Variants in WDFY2 observed in about 807,000 individuals in gnomAD.
The protein encoded by WDFY2 is WD repeat and FYVE domain containing 2.
In WDFY2, 36 loss-of-function variants were observed where a neutral mutation model predicts 56.4. That is an observed-to-expected ratio of 0.64 (90% CI 0.49 to 0.84). The LOEUF (loss-of-function observed/expected upper bound fraction) is 0.84. WDFY2 is among the 40% of genes least tolerant of loss of function. WDFY2 has a pLI of 0.00. For synonymous variants in WDFY2, 176 were observed against 183.7 expected, an observed-to-expected ratio of 0.96 and a Z score of 0.34; for missense variants, 444 against 512.2, an observed-to-expected ratio of 0.87 and a Z score of 1.29.
intron 7 of WDFY2, among the ~76,000 whole-genome samples, chr13:51,741,490 G>A (rs1164956943): frequency 3.9e-5 from 6 of 152,154 alleles, no homozygotes; most frequent in African/African-American, 1.4e-4. Context: ...GGATAGAGAA[G>A]TCCCTGGAGC....
At chr13:51,697,143 A>G (rs1209023253) in intron 3 of WDFY2, among the ~76,000 whole-genome samples, 2 of 152,226 alleles carry the variant, frequency 1.3e-5, no homozygotes, top group Non-Finnish European at 2.9e-5. Context: ...ACTCTAGAAT[A>G]CTAATGGAAA....
chr13:51,671,336 C>T (rs979079945), intron 2 of WDFY2, among the ~76,000 whole-genome samples: 1 of 152,138 alleles, frequency 6.6e-6, no homozygotes, highest in Non-Finnish European at 1.5e-5. Context: ...CCACCAGCAG[C>T]GCAGAGGTGT....
intron 4 of WDFY2, among the ~76,000 whole-genome samples, chr13:51,713,478 G>C (rs921596120): frequency 6.6e-6 from 1 of 152,180 alleles, no homozygotes; most frequent in African/African-American, 2.4e-5. Flanking sequence ...TAAGTTTGGT[G>C]TATACATACA....
intron 2 of WDFY2, among the ~76,000 whole-genome samples, chr13:51,670,724 C>A (rs2138488980): frequency 6.6e-6 from 1 of 152,130 alleles, no homozygotes; most frequent in East Asian, 1.9e-4. Flanking sequence ...TTTATAGAAG[C>A]AGTCTTTTTT....
intron 1 of WDFY2, among the ~76,000 whole-genome samples, chr13:51,599,908 CAAAACAAA>C (rs895814550): frequency 1.3e-5 from 2 of 148,842 alleles, no homozygotes; most frequent in African/African-American, 5.0e-5. Context: ...AAAAAAAAAA[CAAAACAAA>C]AAAACCAAAA....
At chr13:51,715,938 A>G (rs1333212799) in intron 4 of WDFY2, among the ~76,000 whole-genome samples, 2 of 152,204 alleles carry the variant, frequency 1.3e-5, no homozygotes, top group African/African-American at 4.8e-5. Context: ...GTACCTCTTC[A>G]TAACAACGTT....
At chr13:51,641,769 T>A (rs1955167041) in intron 1 of WDFY2, among the ~76,000 whole-genome samples, 1 of 127,932 alleles carries the variant, frequency 7.8e-6, no homozygotes, top group Admixed American at 1.0e-4. Flanking sequence ...GAGCTTGCAG[T>A]GAGCCGAGAT....
At chr13:51,699,775 G>A (rs1320388018) in intron 3 of WDFY2, among the ~76,000 whole-genome samples, 1 of 152,186 alleles carries the variant, frequency 6.6e-6, no homozygotes, top group Non-Finnish European at 1.5e-5. Flanking sequence ...AAGTAATCTA[G>A]CGGTGTTTAT....
intron 1 of WDFY2, among the ~76,000 whole-genome samples, chr13:51,608,416 T>C (rs1954424253): frequency 2.6e-5 from 4 of 152,166 alleles, no homozygotes; most frequent in African/African-American, 9.6e-5. Context: ...GTGTGGTGGC[T>C]CACGCCTGTA....
chr13:51,607,731 A>C (rs1954409516), intron 1 of WDFY2, among the ~76,000 whole-genome samples: 1 of 152,226 alleles, frequency 6.6e-6, no homozygotes, highest in African/African-American at 2.4e-5. Flanking sequence ...CTCAGAACTT[A>C]GCTGCACAAC....
At chr13:51,619,640 CT>C (rs1356238321) in intron 1 of WDFY2, among the ~76,000 whole-genome samples, 5 of 152,194 alleles carry the variant, frequency 3.3e-5, no homozygotes, top group African/African-American at 1.2e-4. Context: ...AAAATAAGTC[CT>C]GTTAAAAGAA....
In WDFY2 at chr13:51,764,668, G is replaced by C. The variant is rs1337489211; in HGVS notation, c.*4899G>C. 1 of 152,230 alleles carries C rather than the reference G, an allele frequency of 6.6e-6. No individual in the cohort carries two copies. Among genetic ancestry groups the C allele is most frequent in the East Asian group, 1.9e-4 (1 of 5,192 alleles). 9.4% of individuals were successfully genotyped at this position (152,230 alleles called of 1,614,324 possible). A position where few individuals can be genotyped will look rare whatever the true frequency, so the allele number is the denominator to read the frequency against. ...CCTCCTGCAGCCAATGCTACTATTA[G>C]TTTATATTATAATAGTATCAGTTTC... is the stretch of plus-strand genomic sequence containing the variant. On this transcript the variant is annotated 3_prime_UTR_variant, in exon 12 of 12. Transcript: ENST00000298125.
intron 1 of WDFY2, among the ~76,000 whole-genome samples, chr13:51,602,220 G>A (rs1954300652): frequency 6.6e-6 from 1 of 152,166 alleles, no homozygotes; most frequent in Non-Finnish European, 1.5e-5. Context: ...AGATTATAAT[G>A]GAGCTGAAAA....
At chr13:51,753,090 T>C (rs1480776042) in intron 8 of WDFY2, 1 of 152,260 alleles carries the variant, frequency 6.6e-6, no homozygotes, top group Admixed American at 6.5e-5. Flanking sequence ...GATGGAGTCA[T>C]CATTGGCTAA....
At chr13:51,665,998 A>G (rs1005308217) in intron 2 of WDFY2, among the ~76,000 whole-genome samples, 3 of 152,176 alleles carry the variant, frequency 2.0e-5, no homozygotes, top group African/African-American at 7.2e-5. Flanking sequence ...GCATTTACCC[A>G]GTCTGAAGTG....
At chr13:51,722,337 G>C (rs1444541921) in intron 5 of WDFY2, among the ~76,000 whole-genome samples, 1 of 151,968 alleles carries the variant, frequency 6.6e-6, no homozygotes, top group African/African-American at 2.4e-5. Flanking sequence ...CAAAATTCAA[G>C]TAGAAAAGTA....
Position 51,607,224 on chromosome 13 carries a change from T to A in WDFY2, c.137+22400T>A, listed in dbSNP as rs114646507. 8.6e-3 allele frequency among the ~76,000 whole-genome samples: 1,303 copies of A among 152,330 alleles called. 19 individuals carry two copies. Among genetic ancestry groups the A allele is most frequent in the African/African-American group, 0.029 (1,222 of 41,576 alleles). On this transcript the variant is annotated intron_variant, in intron 1 of 11. Coordinates refer to ENST00000298125, the MANE Select transcript of WDFY2 (RefSeq NM_052950.4). ...GACTTAAAACAACAATCATAATTTG[T>A]GCAAAGTCCAGTGAGTTGTCTAGGG... is the stretch of plus-strand genomic sequence containing the variant.
chr13:51,641,608 C>T (rs1314891074), intron 1 of WDFY2, among the ~76,000 whole-genome samples: 4 of 150,394 alleles, frequency 2.7e-5, no homozygotes, highest in African/African-American at 9.7e-5. Flanking sequence ...GGGCGGATCA[C>T]GAGGTCAGGA....
chr13:51,608,142 G>GT (rs1402753860), intron 1 of WDFY2, among the ~76,000 whole-genome samples: 3 of 152,182 alleles, frequency 2.0e-5, no homozygotes, highest in African/African-American at 7.2e-5. Flanking sequence ...CTTCAGAACT[G>GT]TAAGATAATA....
Sources: allele counts gnomAD v4.1 joint callset (sites outside exome capture counted in the v4.1 genomes callset), GRCh38; gene constraint gnomAD v4.1.1; transcripts MANE v1.5; gene names NCBI Gene and HGNC (gene_info 2026-07-23, HGNC 2026-07-21).